Variants in CFAP70 observed in about 807,000 individuals in gnomAD.
CFAP70 encodes the protein cilia- and flagella-associated protein 70.
A neutral mutation model predicts 137.6 loss-of-function variants in CFAP70; 81 were observed. The observed-to-expected ratio is 0.59, with a 90% CI of 0.49 to 0.71. CFAP70 has a LOEUF of 0.71. Ranked by LOEUF, CFAP70 falls within the 30% of genes least tolerant of loss-of-function variation. The pLI, the probability that CFAP70 is intolerant of heterozygous loss-of-function variation, is 0.00. For synonymous variants in CFAP70, 382 were observed against 423.6 expected, an observed-to-expected ratio of 0.90 and a Z score of 1.20; for missense variants, 976 against 1,226.7, an observed-to-expected ratio of 0.80 and a Z score of 3.05.
chr10:73,326,548 GC>G (rs1434683584), intron 8 of CFAP70, among the ~76,000 whole-genome samples: 2 of 148,644 alleles, frequency 1.3e-5, no homozygotes, highest in African/African-American at 5.0e-5. Context: ...GAATCCAGGA[GC>G]TGGTTTTTTG....
intron 4 of CFAP70, 25 bp downstream of exon 4, chr10:73,348,398 C>T (rs746201166): frequency 3.1e-6 from 5 of 1,597,010 alleles, no homozygotes; most frequent in Non-Finnish European, 4.3e-6. Context: ...TCCATTTCTG[C>T]TTTTGGGCAA....
chr10:73,278,330 T>G (rs1227644330), exon 20 of CFAP70: 1 of 1,613,322 alleles, frequency 6.2e-7, no homozygotes. Flanking sequence ...ATAATGCAGC[T>G]CCTGGTCCTA....
chr10:73,343,439 T>C (rs2053449539), intron 5 of CFAP70, among the ~76,000 whole-genome samples: 1 of 152,066 alleles, frequency 6.6e-6, no homozygotes, highest in Non-Finnish European at 1.5e-5. Context: ...CTGGGTGTGG[T>C]GGCTCACACC....
At chr10:73,295,091 G>A (rs1301076111) in intron 15 of CFAP70, 2 of 152,624 alleles carry the variant, frequency 1.3e-5, no homozygotes, top group Non-Finnish European at 2.9e-5. Flanking sequence ...GCCATGGCTG[G>A]TGGATCGCTT....
exon 27 of CFAP70, chr10:73,253,958 G>A (rs1428164857): frequency 6.3e-7 from 1 of 1,589,750 alleles, no homozygotes. Context: ...GCAGAAAATT[G>A]TTCAGCTGGA....
exon 10 of CFAP70, chr10:73,312,552 T>A (rs1238629957): frequency 2.5e-6 from 4 of 1,613,128 alleles, no homozygotes; most frequent in Non-Finnish European, 3.4e-6. Context: ...AGAAACAGCT[T>A]GTTTGGACAG....
rs1005076752 is a variant in CFAP70 at position 73,345,906 on chromosome 10, AT to A, written c.350-793del. On this transcript the variant is annotated intron_variant, in intron 4 of 26. Coordinates refer to ENST00000310715, the Ensembl canonical transcript of CFAP70. ...TTATTTTTGTCATTTTTTTAATTTT[AT>A]TTTTTTTTTTGAGACAGAGTCTCCC... Among the ~76,000 whole-genome samples, 74 of 147,394 alleles carry A rather than the reference AT, an allele frequency of 5.0e-4. No individual in the cohort carries two copies. The East Asian group carries it at 6.4e-3, about 13-fold the overall frequency.
At chr10:73,254,417 G>A (rs1245688665) in intron 26 of CFAP70, 2 of 157,084 alleles carry the variant, frequency 1.3e-5, no homozygotes, top group East Asian at 1.9e-4. Flanking sequence ...TGATATCAGG[G>A]AATCAGAGAC....
intron 7 of CFAP70, among the ~76,000 whole-genome samples, chr10:73,332,710 A>C (rs1356300916): frequency 1.3e-5 from 2 of 152,144 alleles, no homozygotes; most frequent in Non-Finnish European, 2.9e-5. Context: ...ACAACAGGGG[A>C]GGTGGGGGAA....
At chr10:73,329,404 T>C (rs2051836281) in intron 8 of CFAP70, among the ~76,000 whole-genome samples, 1 of 152,128 alleles carries the variant, frequency 6.6e-6, no homozygotes, top group African/African-American at 2.4e-5. Context: ...GACGAGTTAA[T>C]GGGTGCAGCA....
chr10:73,315,785 C>T (rs2050292515), intron 9 of CFAP70, among the ~76,000 whole-genome samples: 1 of 152,086 alleles, frequency 6.6e-6, no homozygotes, highest in East Asian at 1.9e-4. Context: ...GGCTGGTCTC[C>T]AACTTCTGAG....
rs75805372 is a variant in CFAP70, at chr10:73,290,254, G to T, written c.2239+972C>A. ...TTAAATCTCAAAGTAATTATGCATA[G>T]ATAAAAAAGAGTACATACTGTGTGA... is the stretch of plus-strand genomic sequence containing the variant. On this transcript the variant is annotated intron_variant, in intron 19 of 26. Transcript: ENST00000310715. Among the ~76,000 whole-genome samples the T allele has an allele frequency of 3.3e-5, 5 of 152,162 alleles. No individual in the cohort carries two copies. In the East Asian group the frequency reaches 7.7e-4, roughly 24 times the overall value.
chr10:73,355,829 G>A (rs912617624), intron 1 of CFAP70, among the ~76,000 whole-genome samples: 3 of 152,080 alleles, frequency 2.0e-5, no homozygotes, highest in Admixed American at 1.3e-4. Flanking sequence ...GAAATAAAGT[G>A]CACAGTAAAT....
At chr10:73,268,240 A>T (rs1735264519) in intron 25 of CFAP70, among the ~76,000 whole-genome samples, 1 of 152,194 alleles carries the variant, frequency 6.6e-6, no homozygotes, top group African/African-American at 2.4e-5. Context: ...AGGTTTCTTC[A>T]TTGACTTATT....
chr10:73,328,417 A>G (rs1467239160), intron 8 of CFAP70, among the ~76,000 whole-genome samples: 1 of 151,216 alleles, frequency 6.6e-6, no homozygotes, highest in Non-Finnish European at 1.5e-5. Context: ...ACCATTCAGG[A>G]CATAGGCATG....
At chr10:73,332,312 T>C (rs77004056) in intron 7 of CFAP70, among the ~76,000 whole-genome samples, 16,098 of 152,174 alleles carry the variant, frequency 0.11, 1,234 homozygotes, top group East Asian at 0.3. Context: ...ACAGTGAAGA[T>C]AGAAGAAAAA....
chr10:73,297,010 A>C (rs1487762459), intron 15 of CFAP70, 32 bp downstream of exon 16: 6 of 1,603,792 alleles, frequency 3.7e-6, no homozygotes, highest in Non-Finnish European at 5.1e-6. Flanking sequence ...CTCTACAGAG[A>C]AAAGAAAGTG....
intron 3 of CFAP70, among the ~76,000 whole-genome samples, chr10:73,350,017 G>C (rs1464265361): frequency 1.3e-5 from 2 of 152,150 alleles, no homozygotes; most frequent in African/African-American, 4.8e-5. Context: ...CTAGTGTCCA[G>C]TTTATATTTA....
intron 19 of CFAP70, among the ~76,000 whole-genome samples, chr10:73,282,855 TAG>T (rs1314121827): frequency 1.4e-5 from 2 of 138,666 alleles, no homozygotes; most frequent in African/African-American, 5.5e-5. Flanking sequence ...TTTTTTGAGA[TAG>T]AGTCTTGTTC....
Sources: allele counts gnomAD v4.1 joint callset (sites outside exome capture counted in the v4.1 genomes callset), GRCh38; gene constraint gnomAD v4.1.1; transcripts MANE v1.5; gene names NCBI Gene and HGNC (gene_info 2026-07-23, HGNC 2026-07-21).